Variants in MGAT4C observed in about 807,000 individuals in gnomAD.
MGAT4C encodes MGAT4 family member C.
MGAT4C carries 19 observed loss-of-function variants against 40.1 expected under a neutral mutation model. That is an observed-to-expected ratio of 0.47 (90% CI 0.33 to 0.70). The LOEUF (loss-of-function observed/expected upper bound fraction) is 0.70, where lower values mean the gene tolerates loss of function less well. Among genes scored for constraint, MGAT4C ranks in the 30% least tolerant of loss-of-function variants. MGAT4C has a pLI of 0.02. For synonymous variants in MGAT4C, 181 were observed against 187.1 expected, an observed-to-expected ratio of 0.97 and a Z score of 0.27; for missense variants, 491 against 563.2, an observed-to-expected ratio of 0.87 and a Z score of 1.30.
At chr12:86,303,987 C>T (rs555254665) in intron 4 of MGAT4C, among the ~76,000 whole-genome samples, 1 of 150,314 alleles carries the variant, frequency 6.7e-6, no homozygotes, top group East Asian at 1.9e-4. Flanking sequence ...AGTAGGCATT[C>T]CAAGTAAAGC....
chr12:85,973,107 G>C lies in MGAT4C; in HGVS notation c.*6182C>G, dbSNP rs1175475728. The C allele has an allele frequency of 2.1e-5, 3 of 145,074 alleles. No individual in the cohort carries two copies. The highest frequency in any genetic ancestry group is 4.2e-4 in the South Asian group (2 of 4,732). The allele number at this position is 145,074 out of a possible 1,614,324, so 9.0% of individuals were successfully genotyped here. A position where few individuals can be genotyped will look rare whatever the true frequency, so the allele number is the denominator to read the frequency against. ...ATAGAGTTAGAGCTTTGTTGATTGA[G>C]ATATGTGGAACTGCCACATATCTCT... On this transcript the variant is annotated 3_prime_UTR_variant, in exon 5 of 5. Transcript: ENST00000611864.
At chr12:86,488,706 T>C (rs1185216223) in intron 2 of MGAT4C, among the ~76,000 whole-genome samples, 1 of 152,176 alleles carries the variant, frequency 6.6e-6, no homozygotes, top group African/African-American at 2.4e-5. Flanking sequence ...CTTCACAACA[T>C]TGCACCCAAG....
chr12:86,397,067 T>G (rs1956275745), intron 3 of MGAT4C, among the ~76,000 whole-genome samples: 1 of 125,788 alleles, frequency 7.9e-6, no homozygotes, highest in Non-Finnish European at 1.7e-5. Context: ...GATGGAGGCC[T>G]GCATTTTATT....
chr12:86,531,995 C>A (rs1003408247), intron 2 of MGAT4C, among the ~76,000 whole-genome samples: 1 of 151,830 alleles, frequency 6.6e-6, no homozygotes, highest in African/African-American at 2.4e-5. Context: ...TGCAAATTTA[C>A]ACTAATTTTC....
intron 3 of MGAT4C, among the ~76,000 whole-genome samples, chr12:86,432,515 T>C (rs957406950): frequency 1.3e-5 from 2 of 151,778 alleles, no homozygotes; most frequent in Non-Finnish European, 2.9e-5. Context: ...GTAGAAGAGA[T>C]GGAAGGTGGG....
intron 3 of MGAT4C, among the ~76,000 whole-genome samples, chr12:86,393,714 C>A (rs1013943776): frequency 1.3e-5 from 2 of 152,140 alleles, no homozygotes; most frequent in Non-Finnish European, 2.9e-5. Context: ...ATCACTGATT[C>A]TCAATGGGTG....
chr12:85,980,739 T>G (rs1380421101), intron 4 of MGAT4C, among the ~76,000 whole-genome samples: 1 of 152,126 alleles, frequency 6.6e-6, no homozygotes, highest in Non-Finnish European at 1.5e-5. Flanking sequence ...TTCTGCAGCT[T>G]AATATTCTCA....
rs548741264 is a variant in MGAT4C, at chr12:86,417,501, A to G, written c.-120+17656T>C. On this transcript the variant is annotated intron_variant, in intron 3 of 7. Transcript: ENST00000548651. ...ACTAATAATCCTATTTATCTGCTTTAGTATTAGTAATTTAATTAAATTAGA... is the reference window on the plus strand; with the variant it reads ...ACTAATAATCCTATTTATCTGCTTTGGTATTAGTAATTTAATTAAATTAGA... 3.9e-5 allele frequency among the ~76,000 whole-genome samples: 6 copies of G among 152,256 alleles called. No individual in the cohort carries two copies. The South Asian group carries it at 1.2e-3, about 32-fold the overall frequency.
chr12:86,830,535 G>A (rs540817145), intron 1 of MGAT4C, among the ~76,000 whole-genome samples: 4 of 151,868 alleles, frequency 2.6e-5, no homozygotes, highest in Non-Finnish European at 5.9e-5. Context: ...TAAGAGATGA[G>A]TGTGTATAGT....
intron 3 of MGAT4C, among the ~76,000 whole-genome samples, chr12:86,420,027 T>C (rs1956790450): frequency 6.6e-6 from 1 of 150,912 alleles, no homozygotes; most frequent in Admixed American, 6.6e-5. Context: ...TTTTAAAAGT[T>C]AACCATTTTA....
At chr12:86,321,700 G>T (rs11611600) in intron 4 of MGAT4C, among the ~76,000 whole-genome samples, 2 of 152,074 alleles carry the variant, frequency 1.3e-5, no homozygotes, top group African/African-American at 4.8e-5. Context: ...TTAGAATGGC[G>T]ATCATTAACA....
intron 1 of MGAT4C, among the ~76,000 whole-genome samples, chr12:86,831,114 G>T (rs1373431816): frequency 6.6e-6 from 1 of 151,388 alleles, no homozygotes; most frequent in Non-Finnish European, 1.5e-5. Flanking sequence ...CCCATGAAGA[G>T]TATACCTTTT....
chr12:86,801,584 G>A (rs1952226492), intron 1 of MGAT4C, among the ~76,000 whole-genome samples: 1 of 151,718 alleles, frequency 6.6e-6, no homozygotes, highest in Non-Finnish European at 1.5e-5. Flanking sequence ...TGATAATGAG[G>A]GCTAAGGTGA....
At chr12:86,630,807 G>T (rs988931765) in intron 2 of MGAT4C, among the ~76,000 whole-genome samples, 3 of 152,012 alleles carry the variant, frequency 2.0e-5, no homozygotes, top group African/African-American at 7.2e-5. Flanking sequence ...TACTGAATGG[G>T]CAAAAAAATG....
At chr12:86,608,615 C>G (rs5027506) in intron 2 of MGAT4C, among the ~76,000 whole-genome samples, 17,961 of 151,754 alleles carry the variant, frequency 0.12, 1,745 homozygotes, top group African/African-American at 0.27. Context: ...ATAATACATA[C>G]ATATTGCTCA....
intron 1 of MGAT4C, among the ~76,000 whole-genome samples, chr12:86,766,924 A>C (rs745447517): frequency 1.2e-4 from 19 of 152,218 alleles, no homozygotes; most frequent in South Asian, 2.1e-4. Flanking sequence ...CAGGAAAGAT[A>C]GAAAATTGAC....
intron 1 of MGAT4C, among the ~76,000 whole-genome samples, chr12:86,814,585 A>G (rs1952563918): frequency 6.6e-6 from 1 of 151,972 alleles, no homozygotes; most frequent in South Asian, 2.1e-4. Flanking sequence ...ATTCCAAAGA[A>G]GATTACTTAG....
chr12:86,391,247 TGA>T (rs1956155088), intron 3 of MGAT4C, among the ~76,000 whole-genome samples: 1 of 152,126 alleles, frequency 6.6e-6, no homozygotes, highest in African/African-American at 2.4e-5. Flanking sequence ...TTTCAGTGTA[TGA>T]GAGAGTACAT....
At chr12:86,792,864 G>A (rs1952050364) in intron 1 of MGAT4C, among the ~76,000 whole-genome samples, 1 of 152,266 alleles carries the variant, frequency 6.6e-6, no homozygotes, top group Admixed American at 6.5e-5. Flanking sequence ...CTGGAGGGCA[G>A]AGGTTGCAGT....
Sources: allele counts gnomAD v4.1 joint callset (sites outside exome capture counted in the v4.1 genomes callset), GRCh38; gene constraint gnomAD v4.1.1; transcripts MANE v1.5; gene names NCBI Gene and HGNC (gene_info 2026-07-23, HGNC 2026-07-21).